The following PIK3CB variants were observed in gnomAD, a reference collection of about 807,000 sequenced individuals.
PIK3CB encodes phosphatidylinositol 4,5-bisphosphate 3-kinase catalytic subunit beta isoform.
Under a neutral mutation model 136.8 loss-of-function variants are expected in PIK3CB, and 39 were observed. The observed-to-expected ratio is 0.29, with a 90% confidence interval of 0.22 to 0.37. The LOEUF (loss-of-function observed/expected upper bound fraction) is 0.37, where lower values mean the gene tolerates loss of function less well. PIK3CB is among the 10% of genes least tolerant of loss of function. PIK3CB has a pLI of 1.00. For missense variants in PIK3CB, 868 were observed against 1,275.4 expected (o/e 0.68, Z 4.87); for synonymous variants, 428 against 436.6 (o/e 0.98, Z 0.25).
chr3:138,763,196 T>A (rs778251403), intron 2 of PIK3CB, among the ~76,000 whole-genome samples: 14 of 152,074 alleles, frequency 9.2e-5, no homozygotes, highest in Non-Finnish European at 1.6e-4. Context: ...TGGAGTGTAG[T>A]GGCATGATCT....
At chr3:138,804,953 AG>A (rs1258048659) in intron 1 of PIK3CB, among the ~76,000 whole-genome samples, 1 of 152,064 alleles carries the variant, frequency 6.6e-6, no homozygotes, top group Non-Finnish European at 1.5e-5. Flanking sequence ...TGAACCCGGG[AG>A]GCGGAGCTTG....
At chr3:138,794,637 T>G (rs888257182) in intron 2 of PIK3CB, among the ~76,000 whole-genome samples, 2 of 152,170 alleles carry the variant, frequency 1.3e-5, no homozygotes, top group African/African-American at 4.8e-5. Flanking sequence ...CATTTACTAA[T>G]ATACCAAGAA....
rs1304024153 is a variant in PIK3CB at position 138,714,668 on chromosome 3, T to C, written c.1102A>G (p.Ile368Val). 4 of 1,612,886 alleles carry C rather than the reference T, an allele frequency of 2.5e-6. No homozygotes were observed. Among genetic ancestry groups the C allele is most frequent in the African/African-American group, 1.3e-5 (1 of 74,906 alleles). The change falls in exon 9 of 24, where the codon ATC (isoleucine) becomes GTC (valine). Residue 368 changes from isoleucine to valine, a missense_variant. Transcript: ENST00000674063. ...FHGTELLCKT[I>V]VSSEVSGKND... ...TTCCCTGATACCTCTGAGCTTACGA[T>C]GGTTTTACACAGGAGCTCAGTACCA...
chr3:138,831,562 G>T (rs765820447), intron 1 of PIK3CB, among the ~76,000 whole-genome samples: 23 of 151,302 alleles, frequency 1.5e-4, no homozygotes, highest in Non-Finnish European at 3.2e-4. Flanking sequence ...TCCAGCCTGG[G>T]CAACAAGGGC....
chr3:138,707,367 C>T, intron 10 of PIK3CB, 78 bp from the exon 11 acceptor site: 1 of 1,488,492 alleles, frequency 6.7e-7, no homozygotes, highest in Admixed American at 2.6e-5. Context: ...TGGATCTCCT[C>T]CCATGAAAAT....
chr3:138,712,946 A>T (rs1011502270), intron 9 of PIK3CB, among the ~76,000 whole-genome samples: 7 of 152,094 alleles, frequency 4.6e-5, no homozygotes, highest in African/African-American at 1.7e-4. Flanking sequence ...ACCTACATAA[A>T]TCTCAATATG....
chr3:138,713,057 T>A (rs959779775), intron 9 of PIK3CB, among the ~76,000 whole-genome samples: 3 of 152,130 alleles, frequency 2.0e-5, no homozygotes, highest in Non-Finnish European at 4.4e-5. Context: ...AATTTCACCA[T>A]AGTGTATCAA....
At chr3:138,684,463 T>A (rs999705330) in intron 17 of PIK3CB, among the ~76,000 whole-genome samples, 162 bp downstream of exon 17, 1 of 152,222 alleles carries the variant, frequency 6.6e-6, no homozygotes, top group Admixed American at 6.5e-5. Context: ...TAAGCATACA[T>A]CCTATTGAAT....
chr3:138,655,290 C>A lies in PIK3CB; in HGVS notation c.*99G>T. Reference sequence around the variant, plus strand: ...AACTCTGAGTTCCAGGATTTCATTCCCTTTATAACATCTCTAACAGGGTCA... The same window carrying A: ...AACTCTGAGTTCCAGGATTTCATTCACTTTATAACATCTCTAACAGGGTCA... On this transcript the variant is annotated 3_prime_UTR_variant, in exon 24 of 24. Coordinates refer to ENST00000674063, the MANE Select transcript of PIK3CB (RefSeq NM_006219.3). 1 of 1,192,326 alleles carries A rather than the reference C, an allele frequency of 8.4e-7. No individual in the cohort carries two copies. Among genetic ancestry groups the A allele is most frequent in the South Asian group, 1.4e-5 (1 of 71,958 alleles). 73.9% of individuals were successfully genotyped at this position (1,192,326 alleles called of 1,614,324 possible). A position where few individuals can be genotyped will look rare whatever the true frequency, so the allele number is the denominator to read the frequency against.
chr3:138,801,629 G>T (rs2046177038), intron 1 of PIK3CB, among the ~76,000 whole-genome samples: 1 of 151,976 alleles, frequency 6.6e-6, no homozygotes, highest in Non-Finnish European at 1.5e-5. Flanking sequence ...CCAGCACTTT[G>T]GGAGGCCGAG....
intron 1 of PIK3CB, among the ~76,000 whole-genome samples, chr3:138,821,523 G>A (rs573718167): frequency 2.6e-5 from 4 of 152,248 alleles, no homozygotes; most frequent in East Asian, 1.9e-4. Flanking sequence ...GGCGGCTCAC[G>A]TCTGTAATCC....
chr3:138,828,110 A>G (rs1208278290), intron 1 of PIK3CB, among the ~76,000 whole-genome samples: 2 of 151,970 alleles, frequency 1.3e-5, no homozygotes, highest in East Asian at 3.9e-4. Flanking sequence ...CAGGATATAC[A>G]TTGTACATTC....
At chr3:138,761,939 C>CA (rs762943021) in intron 2 of PIK3CB, among the ~76,000 whole-genome samples, 51,355 of 135,630 alleles carry the variant, frequency 0.38, 10,677 homozygotes, top group Admixed American at 0.53. Context: ...GACTCTGTCT[C>CA]AAAAAAAAAA....
chr3:138,756,564 A>T (rs956808440), intron 3 of PIK3CB, among the ~76,000 whole-genome samples: 2 of 152,176 alleles, frequency 1.3e-5, no homozygotes, highest in African/African-American at 4.8e-5. Context: ...ATCTCTCAAC[A>T]TCTCTTTCCA....
intron 19 of PIK3CB, among the ~76,000 whole-genome samples, chr3:138,676,874 G>A (rs1294458921): frequency 6.6e-6 from 1 of 152,112 alleles, no homozygotes; most frequent in Non-Finnish European, 1.5e-5. Flanking sequence ...GCTAAGGAGT[G>A]CAGGGTTTTT....
intron 21 of PIK3CB, among the ~76,000 whole-genome samples, chr3:138,661,286 C>G (rs1477296881): frequency 6.6e-6 from 1 of 152,180 alleles, no homozygotes; most frequent in Non-Finnish European, 1.5e-5. Flanking sequence ...ATATAAGCTG[C>G]CAACTAGTTC....
intron 2 of PIK3CB, among the ~76,000 whole-genome samples, chr3:138,786,123 C>G (rs191135038): frequency 3.3e-5 from 5 of 151,998 alleles, no homozygotes; most frequent in Admixed American, 6.6e-5. Flanking sequence ...AAAATAAAAT[C>G]AGGCTGGAGC....
intron 1 of PIK3CB, among the ~76,000 whole-genome samples, chr3:138,808,531 C>A (rs1171629754): frequency 6.6e-6 from 1 of 151,884 alleles, no homozygotes; most frequent in Non-Finnish European, 1.5e-5. Flanking sequence ...AAGAAAAATA[C>A]AGAGCCAGGT....
At chr3:138,752,893 T>C (rs1161590447) in intron 4 of PIK3CB, among the ~76,000 whole-genome samples, 1 of 152,176 alleles carries the variant, frequency 6.6e-6, no homozygotes, top group Non-Finnish European at 1.5e-5. Flanking sequence ...TATTTCAATC[T>C]TCAATATTTT....
Sources: gnomAD v4.1 joint callset for allele counts (sites outside exome capture counted in the v4.1 genomes callset) on GRCh38, gnomAD v4.1.1 for gene constraint, MANE v1.5 for transcripts, NCBI Gene and HGNC (gene_info 2026-07-23, HGNC 2026-07-21) for gene names.